PPP4R3B: variants seen among roughly 807,000 people sequenced by gnomAD.
The protein encoded by PPP4R3B is serine/threonine-protein phosphatase 4 regulatory subunit 3B.
Under a neutral mutation model 95.4 loss-of-function variants are expected in PPP4R3B, and 52 were observed. That is an observed-to-expected ratio of 0.54 (90% CI 0.44 to 0.69). The LOEUF is 0.69. PPP4R3B is among the 30% of genes least tolerant of loss of function. The pLI, the probability that PPP4R3B is intolerant of heterozygous loss-of-function variation, is 0.00. For synonymous variants in PPP4R3B, 407 were observed against 343.9 expected (o/e 1.18, Z -2.03); for missense variants, 1,003 against 1,005.9 (o/e 1.00, Z 0.04).
chr2:55,606,966 T>C (rs1359808891), intron 2 of PPP4R3B, among the ~76,000 whole-genome samples: 1 of 152,158 alleles, frequency 6.6e-6, no homozygotes, highest in East Asian at 1.9e-4. Context: ...TAAATGTAAA[T>C]TTAACCATTA....
chr2:55,616,879 A>T (rs541559281), intron 1 of PPP4R3B, among the ~76,000 whole-genome samples: 6 of 152,002 alleles, frequency 3.9e-5, no homozygotes, highest in Non-Finnish European at 7.4e-5. Context: ...CTTCTCTCTC[A>T]CACTCTCCCC....
chr2:55,598,910 C>T lies in PPP4R3B; in HGVS notation c.427G>A (p.Glu143Lys). ...GAGGTAACTAAGTCAGCAATCTCTT[C>T]AAGTTTATTGAGTTCACATGTGGGC... ...DLPTCELNKL[E>K]EIADLVTSVL... The change falls in exon 4 of 17, where the codon GAA becomes AAA. Residue 143 changes from glutamate to lysine, a missense_variant. Glu to Lys is a moderately conservative substitution (Grantham distance 56). This residue lies in a region of PPP4R3B where 695 missense variants were observed against 686.2 expected (regional missense o/e 1.01). Transcript: ENST00000616407. The T allele has an allele frequency of 6.2e-7, 1 of 1,614,156 alleles. No homozygotes were observed. The highest frequency in any genetic ancestry group is 8.5e-7 in the Non-Finnish European group (1 of 1,180,026).
chr2:55,592,118 C>A (rs1344146292), intron 4 of PPP4R3B, among the ~76,000 whole-genome samples: 1 of 151,890 alleles, frequency 6.6e-6, no homozygotes, highest in Non-Finnish European at 1.5e-5. Context: ...AAATACAGGC[C>A]AAACAAAAGA....
rs118106433 is a variant in PPP4R3B, at chr2:55,600,941, G to A, written c.298-1902C>T. Among the ~76,000 whole-genome samples the A allele has an allele frequency of 3.4e-3, 518 of 152,000 alleles. 12 individuals are homozygous for A. In the East Asian group the frequency reaches 0.062, roughly 18 times the overall value. On this transcript the variant is annotated intron_variant, in intron 3 of 16. Coordinates refer to ENST00000616407, the MANE Select transcript of PPP4R3B (RefSeq NM_001122964.3). Reference sequence around the variant, plus strand: ...TGGGACGCTGAGGCAGGCAGATCACGAGCTCAGGAGTTCAAGACCAGCCTG... The same window carrying A: ...TGGGACGCTGAGGCAGGCAGATCACAAGCTCAGGAGTTCAAGACCAGCCTG...
At chr2:55,603,942 C>T (rs772874743) in intron 3 of PPP4R3B, 36 bp downstream of exon 3, 1 of 1,454,338 alleles carries the variant, frequency 6.9e-7, no homozygotes. Flanking sequence ...AGAAAAGAAG[C>T]AAACATTAAG....
At chr2:55,603,867 C>A in intron 3 of PPP4R3B, 111 bp downstream of exon 3, 1 of 590,130 alleles carries the variant, frequency 1.7e-6, no homozygotes, top group East Asian at 3.2e-5. Flanking sequence ...ATTATCAAGT[C>A]TCACATTAAG....
chr2:55,589,016 A>G (rs1690584372), intron 4 of PPP4R3B, 60 bp from the exon 5 acceptor site: 1 of 1,014,294 alleles, frequency 9.9e-7, no homozygotes, highest in African/African-American at 1.6e-5. Flanking sequence ...ATACTCATTT[A>G]TATGACTTAC....
intron 4 of PPP4R3B, among the ~76,000 whole-genome samples, chr2:55,596,770 C>T (rs1258377778): frequency 6.6e-6 from 1 of 152,158 alleles, no homozygotes; most frequent in Admixed American, 6.5e-5. Flanking sequence ...TGAGACCAGC[C>T]TGGCCAACAT....
chr2:55,588,230 G>T (rs1015301900), intron 5 of PPP4R3B, among the ~76,000 whole-genome samples: 8 of 152,100 alleles, frequency 5.3e-5, no homozygotes, highest in African/African-American at 1.9e-4. Flanking sequence ...GAAAAGCATT[G>T]CGGCTAGGCG....
At chr2:55,576,770 G>A (rs938666707) in intron 11 of PPP4R3B, among the ~76,000 whole-genome samples, 1 of 152,168 alleles carries the variant, frequency 6.6e-6, no homozygotes, top group Non-Finnish European at 1.5e-5. Flanking sequence ...TCTTTATAAC[G>A]GGGACAAGAA....
chr2:55,574,549 A>G (rs868592211), intron 11 of PPP4R3B, among the ~76,000 whole-genome samples: 2 of 152,140 alleles, frequency 1.3e-5, no homozygotes, highest in African/African-American at 2.4e-5. Flanking sequence ...TAAGAAAAGG[A>G]TATTTTTGGC....
Position 55,586,716 on chromosome 2 carries a change from A to C in PPP4R3B, c.1018T>G (p.Phe340Val), listed in dbSNP as rs780048499. 1 of 1,597,920 alleles carries C rather than the reference A, an allele frequency of 6.3e-7. No individual in the cohort carries two copies. Among genetic ancestry groups the C allele is most frequent in the Non-Finnish European group, 8.5e-7 (1 of 1,173,908 alleles). Reference sequence around the variant, plus strand: ...TGTAATGTCTGAGAAAATGCACAAAACTCCTTGAAAAAATTAACCTGTAAT... The same window carrying C: ...TGTAATGTCTGAGAAAATGCACAAACCTCCTTGAAAAAATTAACCTGTAAT... ...RRELVNFFKE[F>V]CAFSQTLQPQ... Residue 340 changes from phenylalanine (F) to valine (V), a missense_variant, in exon 6 of 17, where the codon TTT becomes GTT. By Grantham distance (50) the Phe-to-Val change is conservative (BLOSUM62 -1). Around this residue, in one of 3 missense-constraint regions of PPP4R3B, gnomAD observed 695 missense variants for 686.2 expected, o/e 1.01. Transcript: ENST00000616407.
intron 2 of PPP4R3B, among the ~76,000 whole-genome samples, chr2:55,605,152 A>G (rs1305719998): frequency 6.6e-6 from 1 of 152,140 alleles, no homozygotes; most frequent in Non-Finnish European, 1.5e-5. Context: ...ACACATTTTT[A>G]AACACTAAAA....
At chr2:55,604,996 G>A (rs1460754412) in intron 2 of PPP4R3B, among the ~76,000 whole-genome samples, 3 of 151,682 alleles carry the variant, frequency 2.0e-5, no homozygotes, top group Admixed American at 6.6e-5. Flanking sequence ...CACACACCAC[G>A]CCACACTAAT....
rs1400476930 is a variant in PPP4R3B at position 55,568,358 on chromosome 2, G to A, written c.1771C>T (p.Leu591Phe). ...SKHTFLALCA[L>F]RFMRRIIGLK... ...CCAATTATCCGCCTCATAAAGCGAA[G>A]GGCACCTAATTAAAAATAATATAGG... The change falls in exon 13 of 17, where the codon CTT (leucine) becomes TTT (phenylalanine). Residue 591 changes from leucine to phenylalanine, a missense_variant. By Grantham distance (22) the Leu-to-Phe change is conservative (BLOSUM62 0). Transcript: ENST00000616407. 1.9e-6 allele frequency: 3 copies of A among 1,591,422 alleles called. No homozygotes were observed. The African/African-American group carries it at 4.1e-5, about 22-fold the overall frequency.
At chr2:55,594,741 G>A (rs1205641370) in intron 4 of PPP4R3B, among the ~76,000 whole-genome samples, 1 of 152,058 alleles carries the variant, frequency 6.6e-6, no homozygotes, top group African/African-American at 2.4e-5. Context: ...GTCAACAAGT[G>A]AAATAGCACC....
chr2:55,558,783 C>A lies in PPP4R3B; in HGVS notation c.2446G>T (p.Ala816Ser), dbSNP rs1436464238. 1 of 1,604,606 alleles carries A rather than the reference C, an allele frequency of 6.2e-7. No homozygotes were observed. Among genetic ancestry groups the A allele is most frequent in the Non-Finnish European group, 8.5e-7 (1 of 1,174,072 alleles). ...AATGCTGTTTCACCTACCTTGGTGG[C>A]TGTTACTGACGTAGGCAAGTTTGTG... ...KTTNLPTSVTATKGSLVGLVD... is the reference protein window; with the variant it reads ...KTTNLPTSVTSTKGSLVGLVD... Residue 816 changes from alanine to serine, a missense_variant, in exon 16 of 17, where the codon GCC (alanine) becomes TCC (serine). Ala to Ser is a moderately conservative substitution (Grantham distance 99, BLOSUM62 1). This residue lies in a region of PPP4R3B where 229 missense variants were observed against 194.7 expected (regional missense o/e 1.18). Transcript: ENST00000616407.
At chr2:55,572,074 C>T (rs1175850822) in intron 12 of PPP4R3B, among the ~76,000 whole-genome samples, 1 of 152,094 alleles carries the variant, frequency 6.6e-6, no homozygotes, top group East Asian at 1.9e-4. Flanking sequence ...ATACTGTTGG[C>T]TATGTATCTA....
chr2:55,590,477 T>G (rs1299167321), intron 4 of PPP4R3B, among the ~76,000 whole-genome samples: 2 of 152,212 alleles, frequency 1.3e-5, no homozygotes, highest in African/African-American at 4.8e-5. Flanking sequence ...TGATAGGTTA[T>G]GAGTGATTTT....
Sources: allele counts gnomAD v4.1 joint callset (sites outside exome capture counted in the v4.1 genomes callset), GRCh38; gene constraint gnomAD v4.1.1; regional missense constraint gnomAD v4.1.1; transcripts MANE v1.5; gene names NCBI Gene and HGNC (gene_info 2026-07-23, HGNC 2026-07-21).